The following PLEKHG5 variants were observed in gnomAD, a reference collection of about 807,000 sequenced individuals.
The protein encoded by PLEKHG5 is pleckstrin homology domain-containing family G member 5.
A neutral mutation model predicts 103.8 loss-of-function variants in PLEKHG5; 52 were observed. The observed-to-expected ratio is 0.50, with a 90% CI of 0.40 to 0.63. The LOEUF is 0.63. Ranked by LOEUF, PLEKHG5 falls within the 30% of genes least tolerant of loss-of-function variation. The pLI, the probability that PLEKHG5 is intolerant of heterozygous loss-of-function variation, is 0.00. For synonymous variants in PLEKHG5, 592 were observed against 575.5 expected, an observed-to-expected ratio of 1.03 and a Z score of -0.41; for missense variants, 1,205 against 1,347.6, an observed-to-expected ratio of 0.89 and a Z score of 1.66.
At chr1:6,518,929 C>T (rs965227004) in intron 1 of PLEKHG5, among the ~76,000 whole-genome samples, 19 of 152,214 alleles carry the variant, frequency 1.2e-4, no homozygotes, top group Non-Finnish European at 2.1e-4. Context: ...CTGCAAGCTC[C>T]GCTTCCCGGG....
upstream of PLEKHG5, chr1:6,491,717 A>C: frequency 1.0e-6 from 1 of 984,470 alleles, no homozygotes; most frequent in Middle Eastern, 5.2e-4. This position sits in a 1 kb window ranked among gnomAD's most constrained non-coding sequence, Gnocchi z 4.1. Flanking sequence ...CCCTCCCTCC[A>C]CACACGCATA....
chr1:6,502,467 A>G (rs1645306100), intron 1 of PLEKHG5, among the ~76,000 whole-genome samples: 1 of 152,198 alleles, frequency 6.6e-6, no homozygotes, highest in Non-Finnish European at 1.5e-5. Context: ...CTCAGTAAGA[A>G]GAGGTGGGAG....
At chr1:6,497,237 G>A (rs1006566952), upstream of PLEKHG5, 6 of 868,728 alleles carry the variant, frequency 6.9e-6, no homozygotes, top group African/African-American at 1.0e-4. This position sits in a 1 kb window ranked among gnomAD's most constrained non-coding sequence, Gnocchi z 6.1. Flanking sequence ...TGCCTGGAGC[G>A]GGCCCTCCCC....
chr1:6,496,668 A>T, exon 1 of PLEKHG5: 1 of 795,130 alleles, frequency 1.3e-6, no homozygotes. Flanking sequence ...TGATCTCCTC[A>T]GTCCTCCCTT....
rs1020039192 is a variant in PLEKHG5 at position 6,471,624 on chromosome 1, C to G, written c.1145G>C (p.Arg382Pro). Residue 382 changes from arginine (R) to proline (P), a missense_variant, in exon 12 of 21, where the codon CGC becomes CCC. By Grantham distance (103) the Arg-to-Pro change is moderately radical. Coordinates refer to ENST00000377728, the MANE Select transcript of PLEKHG5 (RefSeq NM_020631.6). ...SGLLCEVEAERLFSNIPEIAQ... is the reference protein window; with the variant it reads ...SGLLCEVEAEPLFSNIPEIAQ... ...GATCTCCGGGATGTTGCTGAACAGG[C>G]GCTCCGCCTCCACCTGGGCGCGGCG... 6.3e-6 allele frequency: 10 copies of G among 1,588,746 alleles called. No individual in the cohort carries two copies. The Admixed American group carries it at 1.4e-4, about 23-fold the overall frequency.
chr1:6,500,971 G>C (rs375248494), upstream of PLEKHG5, among the ~76,000 whole-genome samples: 1 of 152,212 alleles, frequency 6.6e-6, no homozygotes, highest in Non-Finnish European at 1.5e-5. Context: ...CTCGGGGCGC[G>C]GGCAGAACGG....
chr1:6,512,016 G>A (rs1351283499), intron 1 of PLEKHG5, among the ~76,000 whole-genome samples: 3 of 152,172 alleles, frequency 2.0e-5, no homozygotes, highest in African/African-American at 7.2e-5. Flanking sequence ...ACATCTGCCG[G>A]TGTCCTATGT....
chr1:6,486,685 ACT>A lies in PLEKHG5; in HGVS notation c.-88+4950_-88+4951del, dbSNP rs1284789618. Among the ~76,000 whole-genome samples, 2 of 152,054 alleles carry A rather than the reference ACT, an allele frequency of 1.3e-5. No individual in the cohort carries two copies. Among genetic ancestry groups the A allele is most frequent in the African/African-American group, 4.8e-5 (2 of 41,390 alleles). On this transcript the variant is annotated intron_variant, in intron 1 of 20. Transcript: ENST00000377728. The surrounding 1 kb of genome is among the most constrained non-coding windows in gnomAD (Gnocchi z 5.3). The stretch of plus-strand genomic sequence containing the variant: ...AGCCTGAGAGGACGCAAACGCCCAG[ACT>A]CTGGTGCTGGAGTCACCACTACACG...
chr1:6,516,458 A>G (rs1185465051), intron 1 of PLEKHG5, among the ~76,000 whole-genome samples: 1 of 152,104 alleles, frequency 6.6e-6, no homozygotes, highest in Non-Finnish European at 1.5e-5. Context: ...GGAGTTCCAG[A>G]CTAGCCTGGC....
intron 1 of PLEKHG5, among the ~76,000 whole-genome samples, chr1:6,516,370 T>C (rs1457506353): frequency 1.3e-5 from 2 of 152,198 alleles, no homozygotes; most frequent in Admixed American, 6.5e-5. Context: ...TTAAAAAGGA[T>C]GAGGAGGCCA....
chr1:6,486,451 C>T lies in PLEKHG5; in HGVS notation c.-88+5186G>A, dbSNP rs1407991157. 1.3e-5 allele frequency among the ~76,000 whole-genome samples: 2 copies of T among 152,240 alleles called. No homozygotes were observed. Among genetic ancestry groups the T allele is most frequent in the African/African-American group, 4.8e-5 (2 of 41,466 alleles). On this transcript the variant is annotated intron_variant, in intron 1 of 20. Coordinates refer to ENST00000377728, the MANE Select transcript of PLEKHG5 (RefSeq NM_020631.6). The surrounding 1 kb of genome is among the most constrained non-coding windows in gnomAD (Gnocchi z 5.3). ...CCCCTCACACCGACTGCTCACTGCC[C>T]AGGTACGGCAGAGGCCGAGAGCCAA...
At chr1:6,516,422 C>T (rs370376038) in intron 1 of PLEKHG5, among the ~76,000 whole-genome samples, 10 of 152,164 alleles carry the variant, frequency 6.6e-5, no homozygotes, top group South Asian at 6.2e-4. Context: ...CTTTGGAGGC[C>T]GAGGAGGGTG....
chr1:6,512,412 C>T (rs999379482), intron 1 of PLEKHG5, among the ~76,000 whole-genome samples: 7 of 152,220 alleles, frequency 4.6e-5, no homozygotes, highest in Non-Finnish European at 7.3e-5. Context: ...ACAAACCTCC[C>T]TGACCTTCGA....
chr1:6,498,358 G>C (rs961625643), upstream of PLEKHG5, among the ~76,000 whole-genome samples: 1 of 152,182 alleles, frequency 6.6e-6, no homozygotes, highest in Admixed American at 6.5e-5. Flanking sequence ...TCCTTACATG[G>C]GCTGGGTCCG....
At chr1:6,472,883 TG>T in intron 9 of PLEKHG5, 102 bp downstream of exon 9, 1 of 1,097,548 alleles carries the variant, frequency 9.1e-7, no homozygotes, top group Non-Finnish European at 1.4e-6. Context: ...ATGGTAACAG[TG>T]GCCTCTTTGG....
At chr1:6,476,072 G>T (rs766272990) in intron 2 of PLEKHG5, 36 bp from the exon 3 acceptor site, 1 of 1,564,556 alleles carries the variant, frequency 6.4e-7, no homozygotes, top group Non-Finnish European at 8.8e-7. Flanking sequence ...TGCCTCCCCC[G>T]CCCCTCCTTA....
upstream of PLEKHG5, among the ~76,000 whole-genome samples, chr1:6,494,855 C>T (rs113493993): frequency 4.6e-5 from 7 of 152,344 alleles, no homozygotes; most frequent in African/African-American, 7.2e-5. Flanking sequence ...TCCCCGTGCA[C>T]GCTGGGTGAC....
chr1:6,491,708 C>T, upstream of PLEKHG5: 1 of 985,256 alleles, frequency 1.0e-6, no homozygotes, highest in South Asian at 4.7e-5. The surrounding 1 kb of genome is among the most constrained non-coding windows in gnomAD (Gnocchi z 4.1). Context: ...TCTCACCACC[C>T]CTCCCTCCAC....
Position 6,475,476 on chromosome 1 carries a change from T to C in PLEKHG5, c.196A>G (p.Arg66Gly), listed in dbSNP as rs769591476. 6.2e-7 allele frequency: 1 copy of C among 1,613,274 alleles called. No homozygotes were observed. Among genetic ancestry groups the C allele is most frequent in the Non-Finnish European group, 8.5e-7 (1 of 1,179,800 alleles). ...GGGCTCCTCACATCCGTGTGTCTCC[T>C]CCTTGCTTTCTTCTTGGAGAGTTTC... ...GLKLSKKKARRRHTDDPSKEC... is the reference protein window; with the variant it reads ...GLKLSKKKARGRHTDDPSKEC... The change falls in exon 4 of 21, where the codon AGG becomes GGG. Residue 66 changes from arginine to glycine, a missense_variant. By Grantham distance (125) the Arg-to-Gly change is moderately radical. Coordinates refer to ENST00000377728, the MANE Select transcript of PLEKHG5 (RefSeq NM_020631.6).
Sources: allele counts gnomAD v4.1 joint callset (sites outside exome capture counted in the v4.1 genomes callset), GRCh38; gene constraint gnomAD v4.1.1; non-coding constraint Gnocchi (gnomAD v3.1); transcripts MANE v1.5; gene names NCBI Gene and HGNC (gene_info 2026-07-23, HGNC 2026-07-21).